The following ATG13 variants were observed in gnomAD, a reference collection of about 807,000 sequenced individuals.
The protein encoded by ATG13 is autophagy-related protein 13.
In ATG13, 23 loss-of-function variants were observed where a neutral mutation model predicts 65.5. That is an observed-to-expected ratio of 0.35 (90% confidence interval 0.25 to 0.50). The LOEUF is 0.50. Ranked by LOEUF, ATG13 falls within the 20% of genes least tolerant of loss-of-function variation. The pLI, the probability that ATG13 is intolerant of heterozygous loss-of-function variation, is 0.98. For synonymous variants in ATG13, 252 were observed against 245.2 expected (o/e 1.03, Z -0.26); for missense variants, 566 against 677.0 (o/e 0.84, Z 1.82).
intron 1 of ATG13, among the ~76,000 whole-genome samples, chr11:46,627,381 AAAAT>A (rs1205409142): frequency 1.3e-5 from 2 of 152,160 alleles, no homozygotes; most frequent in Non-Finnish European, 2.9e-5. Context: ...TCTGTCTCAA[AAAAT>A]AAATAAATAA....
chr11:46,667,173 G>C (rs865781467), intron 14 of ATG13, among the ~76,000 whole-genome samples: 1 of 152,204 alleles, frequency 6.6e-6, no homozygotes, highest in Middle Eastern at 3.4e-3. Context: ...GGAGTCCAGG[G>C]GCCACTTGAC....
chr11:46,660,702 C>T (rs1220019102), intron 11 of ATG13, among the ~76,000 whole-genome samples: 1 of 151,250 alleles, frequency 6.6e-6, no homozygotes, highest in Non-Finnish European at 1.5e-5. Context: ...GCCACTGCGC[C>T]CGGCCTTTTT....
chr11:46,661,891 C>G (rs2061301090), intron 11 of ATG13, among the ~76,000 whole-genome samples: 2 of 152,166 alleles, frequency 1.3e-5, no homozygotes, highest in Non-Finnish European at 2.9e-5. Context: ...GAGTTAATGT[C>G]TGTGATTGAT....
chr11:46,633,800 G>A (rs1484254933), intron 2 of ATG13, among the ~76,000 whole-genome samples: 1 of 152,130 alleles, frequency 6.6e-6, no homozygotes, highest in Admixed American at 6.6e-5. Context: ...AACGGTGTGA[G>A]ACCCTGTTTC....
At chr11:46,648,798 A>G (rs576824628) in intron 5 of ATG13, 94 of 158,980 alleles carry the variant, frequency 5.9e-4, no homozygotes, top group South Asian at 5.7e-3. Context: ...AAAAAAAAAA[A>G]AGAGAGAGAG....
chr11:46,646,822 C>T (rs188624253), intron 5 of ATG13, among the ~76,000 whole-genome samples: 2 of 152,156 alleles, frequency 1.3e-5, no homozygotes, highest in East Asian at 1.9e-4. Flanking sequence ...TGCAGTGGCA[C>T]AATCATGGCT....
intron 2 of ATG13, among the ~76,000 whole-genome samples, chr11:46,637,433 A>G (rs991980156): frequency 3.1e-4 from 47 of 152,200 alleles, no homozygotes; most frequent in African/African-American, 1.1e-3. Context: ...GATGGTAAGC[A>G]CTTTTTTATG....
At chr11:46,618,555 C>T (rs2046127638) in intron 1 of ATG13, among the ~76,000 whole-genome samples, 1 of 152,196 alleles carries the variant, frequency 6.6e-6, no homozygotes, top group African/African-American at 2.4e-5. Flanking sequence ...CCTATTTTCT[C>T]ATTACACTTA....
intron 1 of ATG13, among the ~76,000 whole-genome samples, chr11:46,619,142 A>G (rs2046414417): frequency 6.6e-6 from 1 of 152,098 alleles, no homozygotes; most frequent in South Asian, 2.1e-4. Context: ...GTTGCTGGTC[A>G]TTGCTTCCTA....
intron 1 of ATG13, among the ~76,000 whole-genome samples, chr11:46,621,863 C>T (rs2047615440): frequency 6.6e-6 from 1 of 151,684 alleles, no homozygotes; most frequent in East Asian, 1.9e-4. Flanking sequence ...GGCCTCGGTT[C>T]CCTGGCATCA....
chr11:46,666,506 G>T (rs539574836), intron 14 of ATG13, among the ~76,000 whole-genome samples: 1 of 152,288 alleles, frequency 6.6e-6, no homozygotes, highest in South Asian at 2.1e-4. Flanking sequence ...TCTGATTACC[G>T]AAGTGATACA....
intron 2 of ATG13, among the ~76,000 whole-genome samples, chr11:46,639,915 A>T (rs575515543): frequency 7.0e-6 from 1 of 142,818 alleles, no homozygotes; most frequent in East Asian, 2.0e-4. Flanking sequence ...GTGTAGTGGC[A>T]CGATCTCAGC....
At chr11:46,661,684 T>C (rs1157910526) in intron 11 of ATG13, among the ~76,000 whole-genome samples, 2 of 151,054 alleles carry the variant, frequency 1.3e-5, no homozygotes, top group African/African-American at 4.9e-5. Context: ...ATAAAAAAAT[T>C]AGCGGGTGTG....
intron 17 of ATG13, 55 bp from the exon 18 acceptor site, chr11:46,669,349 C>T (rs1396568171): frequency 1.9e-6 from 3 of 1,600,658 alleles, no homozygotes; most frequent in African/African-American, 1.3e-5. Flanking sequence ...TTGTTCATAG[C>T]TTATCTCCTC....
intron 7 of ATG13, among the ~76,000 whole-genome samples, 167 bp from the exon 8 acceptor site, chr11:46,656,066 C>G (rs1174906598): frequency 2.6e-5 from 4 of 152,174 alleles, no homozygotes; most frequent in Admixed American, 2.6e-4. Context: ...CGTCTCCATG[C>G]CTGTAGCTTA....
intron 7 of ATG13, 121 bp from the exon 8 acceptor site, chr11:46,656,112 A>G (rs2060001877): frequency 1.3e-6 from 1 of 777,202 alleles, no homozygotes; most frequent in Non-Finnish European, 2.1e-6. Context: ...CTCCATCAGC[A>G]GAGGTATTTG....
chr11:46,649,247 G>A, intron 6 of ATG13, 64 bp downstream of exon 6: 5 of 1,543,714 alleles, frequency 3.2e-6, no homozygotes, highest in Non-Finnish European at 4.4e-6. Flanking sequence ...GACATCATGT[G>A]AAAAGCAGGG....
intron 5 of ATG13, 147 bp from the exon 6 acceptor site, chr11:46,648,986 TTTTA>T (rs1191099822): frequency 2.2e-5 from 13 of 582,804 alleles, no homozygotes; most frequent in Admixed American, 1.1e-4. Flanking sequence ...GTGATTGCCC[TTTTA>T]TTTAGAGAAG....
intron 1 of ATG13, among the ~76,000 whole-genome samples, chr11:46,622,472 A>G (rs2048060276): frequency 6.6e-6 from 1 of 152,224 alleles, no homozygotes; most frequent in Admixed American, 6.5e-5. Context: ...TGAAAAAAAT[A>G]TAAACAAGAA....
Sources: allele counts gnomAD v4.1 joint callset (sites outside exome capture counted in the v4.1 genomes callset), GRCh38; gene constraint gnomAD v4.1.1; transcripts MANE v1.5; gene names NCBI Gene and HGNC (gene_info 2026-07-23, HGNC 2026-07-21).